WDPCP: variants seen among roughly 807,000 people sequenced by gnomAD.
WDPCP encodes the protein WD repeat-containing and planar cell polarity effector protein fritz homolog.
In WDPCP, 71 loss-of-function variants were observed where a neutral mutation model predicts 93.1. The observed-to-expected ratio is 0.76, with a 90% CI of 0.63 to 0.93. The LOEUF is 0.93. WDPCP is among the 40% of genes least tolerant of loss of function. WDPCP has a pLI of 0.00. For synonymous variants in WDPCP, 315 were observed against 315.0 expected (o/e 1.00, Z 0.00); for missense variants, 844 against 887.4 (o/e 0.95, Z 0.62).
intron 1 of WDPCP, among the ~76,000 whole-genome samples, chr2:63,536,735 A>T (rs916510213): frequency 6.6e-6 from 1 of 151,472 alleles, no homozygotes; most frequent in Non-Finnish European, 1.5e-5. Flanking sequence ...AAAAACAAAC[A>T]ACCAAAAAAA....
chr2:63,379,181 A>G (rs1424212388), intron 11 of WDPCP, among the ~76,000 whole-genome samples: 1 of 152,118 alleles, frequency 6.6e-6, no homozygotes. Context: ...AATTTTACCA[A>G]GACATGCTCA....
upstream of WDPCP, among the ~76,000 whole-genome samples, chr2:63,829,003 T>C (rs930065793): frequency 1.3e-5 from 2 of 152,134 alleles, no homozygotes; most frequent in African/African-American, 4.8e-5. Context: ...TTTTTATGTA[T>C]TAAAACAGAA....
intron 17 of WDPCP, among the ~76,000 whole-genome samples, chr2:63,149,182 GA>G (rs1671730075): frequency 6.6e-6 from 1 of 152,072 alleles, no homozygotes; most frequent in African/African-American, 2.4e-5. Context: ...AAAAGGCAAA[GA>G]ACTCAGTGGA....
intron 2 of WDPCP, among the ~76,000 whole-genome samples, chr2:63,800,086 T>G (rs1260603859): frequency 3.3e-5 from 5 of 152,174 alleles, no homozygotes; most frequent in Admixed American, 3.3e-4. Context: ...TTCCCTGAAA[T>G]CTCAACATCT....
chr2:63,799,910 C>T lies in WDPCP; in HGVS notation n.308+13712G>A, dbSNP rs548601315. Among the ~76,000 whole-genome samples the T allele has an allele frequency of 5.9e-5, 9 of 152,186 alleles. No individual in the cohort carries two copies. In the South Asian group the frequency reaches 1.5e-3, roughly 25 times the overall value. On this transcript the variant is annotated intron_variant and non_coding_transcript_variant, in intron 2 of 4. Transcript: ENST00000467687. ...ACTATCCTCTGTTCTGAAATCATGC[C>T]CTTCCTCCATTGTGGGGGATGGAGA...
At chr2:63,526,066 T>TGC (rs1043949236) in intron 1 of WDPCP, among the ~76,000 whole-genome samples, 1 of 151,944 alleles carries the variant, frequency 6.6e-6, no homozygotes, top group African/African-American at 2.4e-5. Context: ...TGTGTGTGTG[T>TGC]GTGTGTGTGT....
chr2:63,617,749 T>C (rs1487029101), intron 3 of WDPCP, among the ~76,000 whole-genome samples: 2 of 152,232 alleles, frequency 1.3e-5, no homozygotes, highest in Non-Finnish European at 2.9e-5. Context: ...TAAATTTCCT[T>C]TATAAAAGAG....
At chr2:63,817,810 CTCT>C (rs1670960451) in intron 1 of WDPCP, among the ~76,000 whole-genome samples, 1 of 152,188 alleles carries the variant, frequency 6.6e-6, no homozygotes, top group African/African-American at 2.4e-5. Flanking sequence ...CTATAGAAGC[CTCT>C]TCTTGCTCTA....
At chr2:63,830,939 T>A (rs1336015294), upstream of WDPCP, among the ~76,000 whole-genome samples, 1 of 152,182 alleles carries the variant, frequency 6.6e-6, no homozygotes, top group Non-Finnish European at 1.5e-5. Context: ...CCGACTCACA[T>A]CTTTAAATAT....
chr2:63,526,775 C>A (rs1265988058), intron 1 of WDPCP, among the ~76,000 whole-genome samples: 1 of 152,138 alleles, frequency 6.6e-6, no homozygotes, highest in South Asian at 2.1e-4. Context: ...TACTTCAATC[C>A]CAGTTTTTTG....
chr2:63,218,671 A>T (rs1261417862), intron 14 of WDPCP, among the ~76,000 whole-genome samples: 18 of 152,060 alleles, frequency 1.2e-4, no homozygotes, highest in African/African-American at 3.1e-4. Context: ...CTGGGACTAA[A>T]GGCGTGCGAC....
At chr2:63,836,694 G>A in the WDPCP span, among the ~76,000 whole-genome samples, 2 of 152,188 alleles carry the variant, frequency 1.3e-5, no homozygotes, top group Non-Finnish European at 2.9e-5. Flanking sequence ...ACAATTTGGA[G>A]ATACAGTTTT....
intron 9 of WDPCP, among the ~76,000 whole-genome samples, chr2:63,416,199 C>CTTTTTTTTTTTTTTTTTTTTTT (rs142173557): frequency 6.7e-6 from 1 of 149,650 alleles, no homozygotes; most frequent in Non-Finnish European, 1.5e-5. Context: ...TCTTTTTTTT[C>CTTTTTTTTTTTTTTTTTTTTTT]CTTTTTTTTT....
intron 1 of WDPCP, among the ~76,000 whole-genome samples, chr2:63,563,758 C>G (rs977668741): frequency 6.6e-6 from 1 of 152,114 alleles, no homozygotes; most frequent in African/African-American, 2.4e-5. Flanking sequence ...AACACACTCC[C>G]TGTTTCTCAC....
chr2:63,656,730 G>C (rs929747735), intron 2 of WDPCP, among the ~76,000 whole-genome samples: 8 of 152,244 alleles, frequency 5.3e-5, no homozygotes, highest in African/African-American at 1.9e-4. Flanking sequence ...ACAAGACTGT[G>C]ACTGTCCTCA....
intron 9 of WDPCP, among the ~76,000 whole-genome samples, chr2:63,426,028 C>T (rs957307173): frequency 6.6e-6 from 1 of 152,138 alleles, no homozygotes; most frequent in African/African-American, 2.4e-5. Context: ...CAACAGACCT[C>T]TCAGCAGAAA....
intron 9 of WDPCP, among the ~76,000 whole-genome samples, chr2:63,414,759 A>G (rs1339905015): frequency 1.3e-5 from 2 of 152,210 alleles, no homozygotes; most frequent in African/African-American, 4.8e-5. Context: ...ATAAAAGACT[A>G]CAAATATGGT....
At chr2:63,370,512 T>G (rs1476380081) in intron 12 of WDPCP, among the ~76,000 whole-genome samples, 1 of 152,162 alleles carries the variant, frequency 6.6e-6, no homozygotes, top group Non-Finnish European at 1.5e-5. Flanking sequence ...GATGTTAAAA[T>G]TTCATGTATT....
At chr2:63,587,230 A>G (rs1708910923) in intron 1 of WDPCP, among the ~76,000 whole-genome samples, 1 of 152,244 alleles carries the variant, frequency 6.6e-6, no homozygotes, top group South Asian at 2.1e-4. Flanking sequence ...GATGCAACTT[A>G]TGAATTAGCT....
Sources: gnomAD v4.1 joint callset for allele counts (sites outside exome capture counted in the v4.1 genomes callset) on GRCh38, gnomAD v4.1.1 for gene constraint, MANE v1.5 for transcripts, NCBI Gene and HGNC (gene_info 2026-07-23, HGNC 2026-07-21) for gene names.